The following TCF20 variants were observed in gnomAD, a reference collection of about 807,000 sequenced individuals.
TCF20 encodes transcription factor 20.
Under a neutral mutation model 148.6 loss-of-function variants are expected in TCF20, and 3 were observed. That is an observed-to-expected ratio of 0.02 (90% CI 0.01 to 0.05). The LOEUF is 0.05. TCF20 is among the 10% of genes least tolerant of loss of function. The probability of loss-of-function intolerance (pLI) is 1.00; values close to 1 mark genes in which losing one functional copy is unlikely to be tolerated. For missense variants in TCF20, 2,350 were observed against 2,429.3 expected (o/e 0.97, Z 0.69); for synonymous variants, 1,049 against 909.5 (o/e 1.15, Z -2.76).
intron 1 of TCF20, among the ~76,000 whole-genome samples, chr22:42,221,792 G>A (rs1922393634): frequency 8.1e-6 from 1 of 122,898 alleles, no homozygotes; most frequent in African/African-American, 3.2e-5. Context: ...AGGCTGGAGT[G>A]CAGTGGCGAT....
chr22:42,225,193 G>A (rs796815839), intron 1 of TCF20, among the ~76,000 whole-genome samples: 45 of 151,884 alleles, frequency 3.0e-4, no homozygotes, highest in African/African-American at 8.7e-4. Context: ...ACAGCATTTC[G>A]CCATGTTGGC....
chr22:42,334,288 C>T (rs1928027881), intron 1 of TCF20, among the ~76,000 whole-genome samples: 1 of 152,160 alleles, frequency 6.6e-6, no homozygotes, highest in African/African-American at 2.4e-5. Flanking sequence ...TCAGAATCAT[C>T]ATTGGCTCCA....
chr22:42,230,765 ATT>A (rs766687983), intron 1 of TCF20, among the ~76,000 whole-genome samples: 2 of 152,216 alleles, frequency 1.3e-5, no homozygotes, highest in Non-Finnish European at 1.5e-5. Context: ...AGACAGTGAT[ATT>A]GATTATTCTG....
chr22:42,323,678 G>A (rs1927776196), intron 1 of TCF20, among the ~76,000 whole-genome samples: 1 of 151,902 alleles, frequency 6.6e-6, no homozygotes, highest in African/African-American at 2.4e-5. Context: ...CTCTGGCCAT[G>A]GATAGCTGAA....
At position 42,323,860 on chromosome 22, in the gene TCF20, ATGGTGG is replaced by A. The variant is rs750556854; in HGVS notation, c.-37+19613_-37+19618del. 6.9e-4 allele frequency among the ~76,000 whole-genome samples: 49 copies of A among 71,390 alleles called. 2 individuals are homozygous for A. The highest frequency in any genetic ancestry group is 2.0e-3 in the Admixed American group (14 of 7,034). The allele number at this position is 71,390 out of a possible 152,430, so 46.8% of individuals were successfully genotyped here. On this transcript the variant is annotated intron_variant, in intron 1 of 1. Coordinates refer to the TCF20 transcript ENST00000515426. Reference sequence around the variant, plus strand: ...GGTGGTGGTAGTGGTGATGGAGGTTATGGTGGTGGTGGTGGTGGTGGTGATGGAGGT... The same window carrying A: ...GGTGGTGGTAGTGGTGATGGAGGTTATGGTGGTGGTGGTGGTGATGGAGGT...
At chr22:42,199,049 T>C (rs1290188766) in intron 2 of TCF20, among the ~76,000 whole-genome samples, 1 of 152,216 alleles carries the variant, frequency 6.6e-6, no homozygotes, top group African/African-American at 2.4e-5. Flanking sequence ...ATTATACTAT[T>C]ATATCTAGTG....
chr22:42,226,728 A>G (rs1922938130), intron 1 of TCF20, among the ~76,000 whole-genome samples: 1 of 152,078 alleles, frequency 6.6e-6, no homozygotes, highest in Non-Finnish European at 1.5e-5. Context: ...AATAATAATA[A>G]AACAAACAAA....
rs147184771 is a variant in TCF20, at chr22:42,326,371, G to A, written c.-37+17108C>T. On this transcript the variant is annotated intron_variant, in intron 1 of 1. Transcript: ENST00000515426. ...CCTGGATTCTGATTCTGGTGAAGCC[G>A]CCCTGTGACAATGCCCCTTCCCATC... 3.9e-5 allele frequency among the ~76,000 whole-genome samples: 6 copies of A among 152,196 alleles called. No individual in the cohort carries two copies. In the South Asian group the frequency reaches 8.3e-4, roughly 21 times the overall value.
chr22:42,193,375 C>T (rs1050525627), intron 2 of TCF20, among the ~76,000 whole-genome samples: 1 of 150,872 alleles, frequency 6.6e-6, no homozygotes, highest in Non-Finnish European at 1.5e-5. Flanking sequence ...TTGATTGTGC[C>T]ACTGTACTCA....
intron 1 of TCF20, among the ~76,000 whole-genome samples, chr22:42,308,164 G>C (rs372311133): frequency 1.1e-4 from 17 of 152,164 alleles, no homozygotes; most frequent in African/African-American, 4.1e-4. Flanking sequence ...TGGTCTGGTA[G>C]CTGGGGTGGG....
chr22:42,230,996 T>TA lies in TCF20; in HGVS notation c.-36-15656dup, dbSNP rs59934107. ...CAACACGGTGAAACCCCGTCTCTAC[T>TA]AAAAAAAACACAAAAATTAGCCAGG... On this transcript the variant is annotated intron_variant, in intron 1 of 5. Coordinates refer to ENST00000677622, the MANE Select transcript of TCF20 (RefSeq NM_001378418.1). Among the ~76,000 whole-genome samples the TA allele has an allele frequency of 4.7e-3, 709 of 151,232 alleles. 1 individual carries two copies. The highest frequency in any genetic ancestry group is 0.016 in the African/African-American group (661 of 41,154).
chr22:42,293,758 T>C (rs1927175066), intron 1 of TCF20, among the ~76,000 whole-genome samples: 1 of 152,172 alleles, frequency 6.6e-6, no homozygotes, highest in South Asian at 2.1e-4. Flanking sequence ...TCCCAGCACT[T>C]TGGGAGGCCA....
chr22:42,194,818 C>T (rs775415860), intron 2 of TCF20, among the ~76,000 whole-genome samples: 39 of 152,042 alleles, frequency 2.6e-4, no homozygotes, highest in Non-Finnish European at 5.7e-4. Flanking sequence ...GTGGCAGGTC[C>T]AAGTGCCACA....
At chr22:42,195,276 A>G (rs1937533412) in intron 2 of TCF20, among the ~76,000 whole-genome samples, 1 of 151,508 alleles carries the variant, frequency 6.6e-6, no homozygotes, top group African/African-American at 2.4e-5. Flanking sequence ...GATGCCCTCT[A>G]TAATGAAGGC....
chr22:42,338,422 G>A lies in TCF20; in HGVS notation c.-37+5057C>T, dbSNP rs1328046944. Among the ~76,000 whole-genome samples, 1 of 1,826 alleles carries A rather than the reference G, an allele frequency of 5.5e-4. No individual in the cohort carries two copies. The highest frequency in any genetic ancestry group is 9.2e-4 in the Non-Finnish European group (1 of 1,090). 1.2% of individuals were successfully genotyped at this position (1,826 alleles called of 152,430 possible). The stretch of plus-strand genomic sequence containing the variant: ...TTAAATGGCAGCGCAGAGTCGGGAG[G>A]GGGGTGCCCAGGGGGCCTCAGCAGA... On this transcript the variant is annotated intron_variant, in intron 1 of 1. Transcript: ENST00000515426. The surrounding 1 kb of genome is among the most constrained non-coding windows in gnomAD (Gnocchi z 4.0).
At chr22:42,161,990 T>TTC (rs1935494334) in intron 5 of TCF20, among the ~76,000 whole-genome samples, 1 of 114,766 alleles carries the variant, frequency 8.7e-6, no homozygotes, top group South Asian at 3.0e-4. Context: ...TTTTTTTTTT[T>TTC]TTTTTTTTTT....
rs543853213 is a variant in TCF20, at chr22:42,314,485, G to A, written c.-37+28994C>T. On this transcript the variant is annotated intron_variant, in intron 1 of 1. Coordinates refer to the TCF20 transcript ENST00000515426. ...GATGCCTCCTGCGGCAGGCGGGCAG[G>A]CGGCCAGGCATGTGGGCAGGCAGCC... is the stretch of plus-strand genomic sequence containing the variant. Among the ~76,000 whole-genome samples the A allele has an allele frequency of 2.2e-3, 337 of 152,364 alleles. 3 individuals are homozygous for A. The highest frequency in any genetic ancestry group is 7.5e-3 in the African/African-American group (314 of 41,590).
chr22:42,180,146 C>A (rs138616498), intron 2 of TCF20, among the ~76,000 whole-genome samples: 1 of 152,020 alleles, frequency 6.6e-6, no homozygotes, highest in Non-Finnish European at 1.5e-5. Flanking sequence ...TATATATAAA[C>A]CTTTTAGAAT....
At chr22:42,233,732 C>T (rs1241328503) in intron 1 of TCF20, among the ~76,000 whole-genome samples, 1 of 152,084 alleles carries the variant, frequency 6.6e-6, no homozygotes, top group Non-Finnish European at 1.5e-5. Flanking sequence ...AGATGAAGAC[C>T]AAAAGTTTTA....
Sources: gnomAD v4.1 joint callset for allele counts (sites outside exome capture counted in the v4.1 genomes callset) on GRCh38, gnomAD v4.1.1 for gene constraint, Gnocchi (gnomAD v3.1) non-coding constraint, MANE v1.5 for transcripts, NCBI Gene and HGNC (gene_info 2026-07-23, HGNC 2026-07-21) for gene names.